The following TENM1 variants were observed in gnomAD, a reference collection of about 807,000 sequenced individuals.
TENM1 encodes the protein teneurin-1.
TENM1 carries 35 observed loss-of-function variants against 174.8 expected under a neutral mutation model. The ratio of observed to expected loss-of-function variants is 0.20; its 90% confidence interval spans 0.15 to 0.27. TENM1 has a LOEUF of 0.27. Among genes scored for constraint, TENM1 ranks in the 10% least tolerant of loss-of-function variants. The pLI is 1.00. For synonymous variants in TENM1, 781 were observed against 798.7 expected, an observed-to-expected ratio of 0.98 and a Z score of 0.37; for missense variants, 1,633 against 2,130.1, an observed-to-expected ratio of 0.77 and a Z score of 4.59.
intron 8 of TENM1, 75 bp downstream of exon 11, chrX:124,651,839 C>T: frequency 8.7e-7 from 1 of 1,154,289 alleles, no homozygotes; most frequent in African/African-American, 1.8e-5. Flanking sequence ...AAATAACCCC[C>T]AGGACACTGT....
At chrX:125,153,798 A>T in the TENM1 span, among the ~76,000 whole-genome samples, 13 of 112,506 alleles carry the variant, frequency 1.2e-4, no homozygotes, top group Admixed American at 1.2e-3. Context: ...CTGAGCAGAG[A>T]TGAATAATGC....
chrX:124,668,513 G>A (rs189851091), intron 6 of TENM1, among the ~76,000 whole-genome samples: 139 of 112,178 alleles, frequency 1.2e-3, no homozygotes, highest in African/African-American at 4.0e-3. Context: ...GAAATACTAT[G>A]CAGCCATAAA....
the TENM1 span, among the ~76,000 whole-genome samples, chrX:125,060,069 C>T: frequency 4.6e-5 from 5 of 109,004 alleles, no homozygotes; most frequent in East Asian, 1.5e-3. Flanking sequence ...CCTGGATCTC[C>T]AGCCTGCTGG....
chrX:124,873,479 G>A (rs773948249), intron 3 of TENM1, among the ~76,000 whole-genome samples: 1 of 111,967 alleles, frequency 8.9e-6, no homozygotes, highest in African/African-American at 3.2e-5. Flanking sequence ...ACATTACATA[G>A]ATATGAAATG....
intron 23 of TENM1, among the ~76,000 whole-genome samples, chrX:124,452,873 A>AG (rs1236825686): frequency 4.8e-4 from 13 of 27,248 alleles, no homozygotes; most frequent in Admixed American, 1.1e-3. Flanking sequence ...GGGTGGGGGG[A>AG]GGGGGGAGGG....
At chrX:125,122,729 T>C in the TENM1 span, among the ~76,000 whole-genome samples, 2 of 111,354 alleles carry the variant, frequency 1.8e-5, no homozygotes, top group African/African-American at 6.5e-5. Context: ...AGGGAGGTTA[T>C]AGAACTACAA....
At chrX:124,491,623 TA>T (rs1258614928) in intron 20 of TENM1, among the ~76,000 whole-genome samples, 1 of 109,614 alleles carries the variant, frequency 9.1e-6, no homozygotes, top group Non-Finnish European at 1.9e-5. Flanking sequence ...ACTTAAATAA[TA>T]AGAAATAATA....
chrX:124,845,409 T>C (rs2056587101), intron 3 of TENM1, among the ~76,000 whole-genome samples: 2 of 111,903 alleles, frequency 1.8e-5, no homozygotes, highest in African/African-American at 6.5e-5. Flanking sequence ...ATGCTGCTAG[T>C]CTGTGGACCA....
At chrX:124,422,953 G>C (rs2060671458) in intron 23 of TENM1, among the ~76,000 whole-genome samples, 1 of 112,202 alleles carries the variant, frequency 8.9e-6, no homozygotes, top group Non-Finnish European at 1.9e-5. Context: ...GAACTTGTGA[G>C]AAATGCAAAT....
intron 10 of TENM1, among the ~76,000 whole-genome samples, chrX:124,644,164 A>T (rs2051094286): frequency 1.0e-5 from 1 of 99,974 alleles, no homozygotes; most frequent in African/African-American, 3.7e-5. Context: ...TATATGGCAT[A>T]TATGGCATAT....
exon 5 of TENM1, chrX:124,705,162 G>A (rs757448709): frequency 3.2e-5 from 39 of 1,209,232 alleles, no homozygotes; most frequent in Non-Finnish European, 4.1e-5. Context: ...GGGAGGGGGC[G>A]AGTACACGGT....
the TENM1 span, among the ~76,000 whole-genome samples, chrX:124,975,188 T>C: frequency 9.1e-6 from 1 of 110,253 alleles, no homozygotes; most frequent in Non-Finnish European, 1.9e-5. Flanking sequence ...TCTTATTACT[T>C]CTCAATATCC....
At chrX:124,497,358 G>A (rs2147981349) in intron 19 of TENM1, 93 bp from the exon 23 acceptor site, 1 of 949,036 alleles carries the variant, frequency 1.1e-6, no homozygotes, top group East Asian at 3.4e-5. Flanking sequence ...ATCATCCCAA[G>A]CAGGAAGGAG....
intron 3 of TENM1, among the ~76,000 whole-genome samples, chrX:124,867,323 G>A (rs1348061733): frequency 1.8e-5 from 2 of 111,774 alleles, no homozygotes; most frequent in African/African-American, 6.5e-5. Flanking sequence ...GAGATGCAAG[G>A]ATGGCTCACC....
intron 3 of TENM1, among the ~76,000 whole-genome samples, chrX:124,787,346 A>G (rs1257603196): frequency 9.1e-6 from 1 of 109,968 alleles, no homozygotes; most frequent in Non-Finnish European, 1.9e-5. Context: ...ATGATTTTAC[A>G]AACTTTGGGA....
chrX:124,569,775 G>A (rs917056668), intron 11 of TENM1, among the ~76,000 whole-genome samples: 1 of 111,319 alleles, frequency 9.0e-6, no homozygotes, highest in African/African-American at 3.3e-5. Flanking sequence ...AAAGAAAAAC[G>A]AGCTGAAAAA....
chrX:124,921,746 C>T (rs1458183176), intron 1 of TENM1, among the ~76,000 whole-genome samples: 3 of 111,174 alleles, frequency 2.7e-5, no homozygotes, highest in African/African-American at 9.8e-5. Context: ...TTTATTTAGA[C>T]GCTTGTGCTG....
chrX:124,944,525 A>C (rs1430989809), intron 1 of TENM1, among the ~76,000 whole-genome samples: 1 of 111,422 alleles, frequency 9.0e-6, no homozygotes, highest in Non-Finnish European at 1.9e-5. Flanking sequence ...AACAACAACA[A>C]CACTAATAAT....
chrX:124,515,359 C>T (rs1199727381), intron 18 of TENM1, among the ~76,000 whole-genome samples: 2 of 111,133 alleles, frequency 1.8e-5, no homozygotes, highest in Non-Finnish European at 3.8e-5. Flanking sequence ...AGCAATACAG[C>T]AAGAAAAAGA....
Sources: allele counts gnomAD v4.1 joint callset (sites outside exome capture counted in the v4.1 genomes callset), GRCh38; gene constraint gnomAD v4.1.1; transcripts MANE v1.5; gene names NCBI Gene and HGNC (gene_info 2026-07-23, HGNC 2026-07-21).